CLNS1A: variants seen among roughly 807,000 people sequenced by gnomAD.
The protein encoded by CLNS1A is methylosome subunit pICln.
CLNS1A carries 16 observed loss-of-function variants against 29.4 expected under a neutral mutation model. The ratio of observed to expected loss-of-function variants is 0.54; its 90% CI spans 0.37 to 0.83. The LOEUF is 0.83. CLNS1A is among the 40% of genes least tolerant of loss of function. The pLI, the probability that CLNS1A is intolerant of heterozygous loss-of-function variation, is 0.00. For missense variants in CLNS1A, 235 were observed against 287.4 expected (o/e 0.82, Z 1.32); for synonymous variants, 96 against 104.8 (o/e 0.92, Z 0.51).
Position 77,619,686 on chromosome 11 carries a change from T to G in CLNS1A, c.656A>C (p.Glu219Ala). Residue 219 changes from glutamate (E) to alanine (A), a missense_variant, in exon 6 of 7, where the codon GAG (glutamate) becomes GCG (alanine). Coordinates refer to ENST00000525428, the MANE Select transcript of CLNS1A (RefSeq NM_001293.3). ...DSIRDYEDGMEVDTTPTVAGQ... is the reference protein window; with the variant it reads ...DSIRDYEDGMAVDTTPTVAGQ... The stretch of plus-strand genomic sequence containing the variant: ...AGCAACTGTTGGTGTGGTATCCACC[T>G]CCATCCCATCTAAACAAAAAAATTA... 1 of 1,612,852 alleles carries G rather than the reference T, an allele frequency of 6.2e-7. No individual in the cohort carries two copies. The highest frequency in any genetic ancestry group is 2.2e-5 in the East Asian group (1 of 44,864).
Position 77,629,760 on chromosome 11 carries a change from T to A in CLNS1A, c.262+3A>T, listed in dbSNP as rs1480598230. 6.2e-7 allele frequency: 1 copy of A among 1,612,064 alleles called. No individual in the cohort carries two copies. The highest frequency in any genetic ancestry group is 8.5e-7 in the Non-Finnish European group (1 of 1,179,726). On this transcript the variant is annotated splice_donor_region_variant and intron_variant, in intron 2 of 6. Transcript: ENST00000525428. ...GCATTAGATTAAATTACACCATACA[T>A]ACCTTCAAATTTGGCATTCACCATA... is the stretch of plus-strand genomic sequence containing the variant.
At chr11:77,629,645 C>T (rs1321963077) in intron 2 of CLNS1A, 118 bp downstream of exon 2, 14 of 876,910 alleles carry the variant, frequency 1.6e-5, no homozygotes, top group South Asian at 3.6e-5. Flanking sequence ...CCGCCCGCCT[C>T]GGCCTCCCAG....
chr11:77,617,339 C>G (rs571061737), intron 6 of CLNS1A, among the ~76,000 whole-genome samples: 260 of 137,512 alleles, frequency 1.9e-3, no homozygotes, highest in African/African-American at 6.7e-3. Context: ...TGCACTCCAG[C>G]CTGGGCAACA....
At chr11:77,628,234 G>A (rs1219837913) in intron 2 of CLNS1A, among the ~76,000 whole-genome samples, 5 of 152,148 alleles carry the variant, frequency 3.3e-5, no homozygotes, top group South Asian at 2.1e-4. Flanking sequence ...TCCAATGGCC[G>A]TCACTATTTG....
chr11:77,637,255 A>AAAAAAAAG (rs1219976827), intron 1 of CLNS1A, among the ~76,000 whole-genome samples: 24 of 145,826 alleles, frequency 1.6e-4, no homozygotes, highest in South Asian at 4.2e-4. Flanking sequence ...AAAAAAAAAA[A>AAAAAAAAG]AAAAGAAAAT....
intron 5 of CLNS1A, among the ~76,000 whole-genome samples, chr11:77,620,825 T>C (rs2135760866): frequency 7.0e-6 from 1 of 142,202 alleles, no homozygotes; most frequent in Non-Finnish European, 1.5e-5. Context: ...CTACTAAAAA[T>C]ACAAAAATTA....
In CLNS1A at chr11:77,624,973, C is replaced by T. The variant is rs140625962; in HGVS notation, c.462G>A (p.Val154=). 4 of 1,606,326 alleles carry T rather than the reference C, an allele frequency of 2.5e-6. No individual in the cohort carries two copies. The Admixed American group carries it at 5.1e-5, about 20-fold the overall frequency. Residue 154 remains valine (V), a synonymous_variant, in exon 4 of 7, where the codon GTG becomes GTA. Transcript: ENST00000525428. ...ATCCATTTCACTAACCATGTGCTTC[C>T]ACATCATATTCTTCTCCATCGTAGT... ...SDDYDGEEYD[V]EAHEQGQGDI...
At chr11:77,631,047 C>T (rs1463806364) in intron 1 of CLNS1A, among the ~76,000 whole-genome samples, 1 of 152,100 alleles carries the variant, frequency 6.6e-6, no homozygotes, top group East Asian at 1.9e-4. Context: ...TTTTAACAAG[C>T]CTGGCTGTCT....
chr11:77,625,493 C>T, intron 3 of CLNS1A: 1 of 501,804 alleles, frequency 2.0e-6, no homozygotes, highest in Admixed American at 3.8e-5. Flanking sequence ...AAAATATACC[C>T]AGATGACAGA....
intron 6 of CLNS1A, among the ~76,000 whole-genome samples, chr11:77,617,259 T>C (rs1958912923): frequency 6.7e-6 from 1 of 149,604 alleles, no homozygotes; most frequent in Non-Finnish European, 1.5e-5. Flanking sequence ...TCCCAGCTAC[T>C]CGGGAGGATG....
chr11:77,630,231 C>T (rs1361135138), intron 1 of CLNS1A, among the ~76,000 whole-genome samples: 2 of 152,194 alleles, frequency 1.3e-5, no homozygotes. Flanking sequence ...ATCCTCCCCT[C>T]TTCCATGAGG....
Position 77,637,542 on chromosome 11 carries a change from G to GAGGAGGGCGGCGCGC in CLNS1A, c.125+33_125+47dup. 5 of 1,560,426 alleles carry GAGGAGGGCGGCGCGC rather than the reference G, an allele frequency of 3.2e-6. No individual in the cohort carries two copies. In the South Asian group the frequency reaches 3.6e-5, roughly 11 times the overall value. ...CCTTCGCACCGCCTGCTCCAGCAAGGAGGAGGGCGGCGCGCAGGAGGCCAG... is the reference window on the plus strand; with the variant it reads ...CCTTCGCACCGCCTGCTCCAGCAAGGAGGAGGGCGGCGCGCAGGAGGGCGGCGCGCAGGAGGCCAG... On this transcript the variant is annotated intron_variant, in intron 1 of 6. Coordinates refer to ENST00000525428, the MANE Select transcript of CLNS1A (RefSeq NM_001293.3).
intron 6 of CLNS1A, among the ~76,000 whole-genome samples, chr11:77,617,555 T>G (rs1234269709): frequency 1.4e-5 from 2 of 145,254 alleles, no homozygotes; most frequent in African/African-American, 5.1e-5. Context: ...AAAAAAAAAA[T>G]GTACAGACAT....
chr11:77,619,559 C>T lies in CLNS1A; in HGVS notation c.*22+47G>A, dbSNP rs773783431. On this transcript the variant is annotated intron_variant, in intron 6 of 6. Coordinates refer to ENST00000525428, the MANE Select transcript of CLNS1A (RefSeq NM_001293.3). ...TTTAAAAAGTAGAAAGTAATCATTT[C>T]ATATGATTTTCATGATCAGCGACAA... 3.0e-4 allele frequency: 353 copies of T among 1,182,342 alleles called. 2 individuals carry two copies. Among genetic ancestry groups the T allele is most frequent in the Non-Finnish European group, 4.2e-4 (331 of 786,700 alleles). The allele number at this position is 1,182,342 out of a possible 1,614,324, so 73.2% of individuals were successfully genotyped here. A position where few individuals can be genotyped will look rare whatever the true frequency, so the allele number is the denominator to read the frequency against.
chr11:77,629,934 A>C (rs1033731946), intron 1 of CLNS1A, 35 bp from the exon 2 acceptor site: 3 of 1,607,866 alleles, frequency 1.9e-6, no homozygotes, highest in Admixed American at 3.3e-5. Context: ...TATTTTTAGA[A>C]AGTAAATCCT....
chr11:77,637,252 A>AAAAAAAAG (rs1554980850), intron 1 of CLNS1A, among the ~76,000 whole-genome samples: 15 of 147,012 alleles, frequency 1.0e-4, no homozygotes, highest in Admixed American at 2.0e-4. Context: ...TTAAAAAAAA[A>AAAAAAAAG]AAAAAAAGAA....
chr11:77,627,290 T>A (rs1959029894), intron 2 of CLNS1A, among the ~76,000 whole-genome samples: 1 of 148,596 alleles, frequency 6.7e-6, no homozygotes. Flanking sequence ...AAAAAAAAAA[T>A]TAGCGGGGCG....
At chr11:77,636,104 T>C (rs1312509620) in intron 1 of CLNS1A, among the ~76,000 whole-genome samples, 1 of 152,070 alleles carries the variant, frequency 6.6e-6, no homozygotes, top group Non-Finnish European at 1.5e-5. Flanking sequence ...AGGGTCTCAC[T>C]CTGTCATGCA....
chr11:77,620,819 T>C (rs1016260055), intron 5 of CLNS1A, among the ~76,000 whole-genome samples: 2 of 119,680 alleles, frequency 1.7e-5, no homozygotes, highest in Non-Finnish European at 3.6e-5. Context: ...CCGCCTCTAC[T>C]AAAAATACAA....
Sources: gnomAD v4.1 joint callset for allele counts (sites outside exome capture counted in the v4.1 genomes callset) on GRCh38, gnomAD v4.1.1 for gene constraint, MANE v1.5 for transcripts, NCBI Gene and HGNC (gene_info 2026-07-23, HGNC 2026-07-21) for gene names.